HIP1: variants seen among roughly 807,000 people sequenced by gnomAD.
HIP1 encodes huntingtin-interacting protein 1.
In HIP1, 65 loss-of-function variants were observed where a neutral mutation model predicts 147.6. That is an observed-to-expected ratio of 0.44 (90% CI 0.36 to 0.54). HIP1 has a LOEUF of 0.54. HIP1 is among the 20% of genes least tolerant of loss of function. The pLI is 0.00. For missense variants in HIP1, 1,061 were observed against 1,299.6 expected, an observed-to-expected ratio of 0.82 and a Z score of 2.82; for synonymous variants, 479 against 504.0, an observed-to-expected ratio of 0.95 and a Z score of 0.67.
intron 1 of HIP1, among the ~76,000 whole-genome samples, chr7:75,666,672 C>G (rs781888592): frequency 6.6e-6 from 1 of 151,954 alleles, no homozygotes; most frequent in Non-Finnish European, 1.5e-5. Context: ...AAGGGAGATG[C>G]GAGAAGGATG....
At chr7:75,596,109 T>C (rs1375016929) in intron 2 of HIP1, among the ~76,000 whole-genome samples, 1 of 151,940 alleles carries the variant, frequency 6.6e-6, no homozygotes, top group African/African-American at 2.4e-5. Context: ...CATGTGCCTA[T>C]AGTCCCAGCT....
At chr7:75,604,008 C>A (rs957652741) in intron 1 of HIP1, among the ~76,000 whole-genome samples, 1 of 152,196 alleles carries the variant, frequency 6.6e-6, no homozygotes, top group Non-Finnish European at 1.5e-5. Context: ...CTTCCCTGGA[C>A]CTTAGTCCTC....
At chr7:75,557,625 A>G in intron 16 of HIP1, 29 bp downstream of exon 16, 1 of 1,522,130 alleles carries the variant, frequency 6.6e-7, no homozygotes, top group Non-Finnish European at 9.1e-7. Flanking sequence ...CCCCTCCCTC[A>G]TTTCCCGAGT....
chr7:75,604,498 A>C (rs1427674110), intron 1 of HIP1, among the ~76,000 whole-genome samples: 2 of 152,082 alleles, frequency 1.3e-5, no homozygotes, highest in Non-Finnish European at 2.9e-5. Context: ...ACATAGTGAG[A>C]CCTCATCCCT....
rs71098044 is a variant in HIP1, at chr7:75,628,475, C to CTTTT, written c.121-29232_121-29229dup. Among the ~76,000 whole-genome samples the CTTTT allele has an allele frequency of 3.0e-5, 4 of 132,616 alleles. 1 individual carries two copies. Among genetic ancestry groups the CTTTT allele is most frequent in the Admixed American group, 7.7e-5 (1 of 12,918 alleles). The allele number at this position is 132,616 out of a possible 152,430, so 87.0% of individuals were successfully genotyped here. A position where few individuals can be genotyped will look rare whatever the true frequency, so the allele number is the denominator to read the frequency against. On this transcript the variant is annotated intron_variant, in intron 1 of 30. Transcript: ENST00000336926. ...TATTATAATTTTATCTCCTGTACCT[C>CTTTT]TTTTTTTTTTTTTTTTTTTTTGAGA...
chr7:75,544,827 G>A (rs2116746930), intron 26 of HIP1, 27 bp from the exon 27 acceptor site: 1 of 1,419,178 alleles, frequency 7.0e-7, no homozygotes. Context: ...AGAGGGACTA[G>A]GTTACGGGCA....
intron 1 of HIP1, among the ~76,000 whole-genome samples, chr7:75,611,111 G>GT (rs1797418467): frequency 3.3e-5 from 5 of 150,906 alleles, no homozygotes; most frequent in Admixed American, 3.3e-4. Context: ...TAGAGACAGG[G>GT]TTTTACCATG....
intron 1 of HIP1, among the ~76,000 whole-genome samples, chr7:75,649,050 G>C (rs964764521): frequency 3.3e-5 from 5 of 151,666 alleles, no homozygotes; most frequent in African/African-American, 1.2e-4. Context: ...TTAAGACAGA[G>C]TTTTGCTCTT....
chr7:75,665,540 G>T lies in HIP1; in HGVS notation c.121-66293C>A, dbSNP rs771656224. On this transcript the variant is annotated intron_variant, in intron 1 of 30. Coordinates refer to ENST00000336926, the MANE Select transcript of HIP1 (RefSeq NM_005338.7). ...TCATACTAAAGCTTCTCATTTTTCC[G>T]TAGTCATTTTTTTTTTTTTGAGACA... Among the ~76,000 whole-genome samples the T allele has an allele frequency of 4.8e-5, 7 of 146,162 alleles. No homozygotes were observed. In the East Asian group the frequency reaches 1.0e-3, roughly 21 times the overall value.
chr7:75,541,403 G>A (rs1160269682), intron 29 of HIP1, among the ~76,000 whole-genome samples: 3 of 151,864 alleles, frequency 2.0e-5, no homozygotes, highest in East Asian at 3.9e-4. Flanking sequence ...GGTGGTGGGC[G>A]CCTGTAGTTC....
At chr7:75,730,550 G>C (rs1445650162) in intron 1 of HIP1, among the ~76,000 whole-genome samples, 1 of 151,494 alleles carries the variant, frequency 6.6e-6, no homozygotes, top group Non-Finnish European at 1.5e-5. Flanking sequence ...TGTTGGTCAG[G>C]CTGGTCTTGA....
intron 7 of HIP1, among the ~76,000 whole-genome samples, chr7:75,576,810 C>T (rs1300884821): frequency 6.6e-6 from 1 of 152,218 alleles, no homozygotes; most frequent in Admixed American, 6.5e-5. Context: ...TTTTAGCACA[C>T]ATCAGAATCA....
In HIP1 at chr7:75,637,986, C is replaced by A. The variant is rs1422962257; in HGVS notation, c.121-38739G>T. 6.2e-3 allele frequency among the ~76,000 whole-genome samples: 334 copies of A among 54,060 alleles called. 8 individuals carry two copies. The highest frequency in any genetic ancestry group is 0.033 in the African/African-American group (327 of 9,964). 35.5% of individuals were successfully genotyped at this position (54,060 alleles called of 152,430 possible). A position where few individuals can be genotyped will look rare whatever the true frequency, so the allele number is the denominator to read the frequency against. On this transcript the variant is annotated intron_variant, in intron 1 of 30. Coordinates refer to ENST00000336926, the MANE Select transcript of HIP1 (RefSeq NM_005338.7). ...GCAAGGGCAGACCCAGACCCCCCCCCCCCCCCCACACACACACATACACAC... is the reference window on the plus strand; with the variant it reads ...GCAAGGGCAGACCCAGACCCCCCCCACCCCCCCACACACACACATACACAC...
At chr7:75,614,711 C>A (rs369285878) in intron 1 of HIP1, among the ~76,000 whole-genome samples, 1 of 151,442 alleles carries the variant, frequency 6.6e-6, no homozygotes, top group East Asian at 1.9e-4. Flanking sequence ...GTTACAATAG[C>A]GAATTTCATG....
At chr7:75,690,985 A>T (rs1473630477) in intron 1 of HIP1, among the ~76,000 whole-genome samples, 1 of 152,218 alleles carries the variant, frequency 6.6e-6, no homozygotes, top group South Asian at 2.1e-4. Context: ...TCACAGTAGC[A>T]CTATTCACAG....
chr7:75,554,230 T>C lies in HIP1; in HGVS notation c.2051-10A>G, dbSNP rs782202520. On this transcript the variant is annotated splice_polypyrimidine_tract_variant and intron_variant, in intron 20 of 30. Coordinates refer to ENST00000336926, the MANE Select transcript of HIP1 (RefSeq NM_005338.7). The stretch of plus-strand genomic sequence containing the variant: ...AGAAGTCCACTGATGTCTGCCAGGA[T>C]TGGAAAGAGAAGTTTCTCAGGTCTG... The C allele has an allele frequency of 3.7e-6, 6 of 1,609,912 alleles. No individual in the cohort carries two copies. The highest frequency in any genetic ancestry group is 2.2e-5 in the South Asian group (2 of 90,918).
At chr7:75,650,479 G>A (rs1359719708) in intron 1 of HIP1, among the ~76,000 whole-genome samples, 1 of 102,540 alleles carries the variant, frequency 9.8e-6, no homozygotes, top group South Asian at 2.7e-4. Flanking sequence ...TTGAGACAGA[G>A]TCTCCCTCTG....
At chr7:75,725,823 C>CTT (rs1554522293) in intron 1 of HIP1, among the ~76,000 whole-genome samples, 3 of 88,402 alleles carry the variant, frequency 3.4e-5, no homozygotes. Context: ...ATGTGCTATG[C>CTT]ATTTTTTTTT....
chr7:75,717,811 A>C (rs1399224645), intron 1 of HIP1, among the ~76,000 whole-genome samples: 1 of 152,016 alleles, frequency 6.6e-6, no homozygotes, highest in Non-Finnish European at 1.5e-5. Flanking sequence ...TCTCTACTAA[A>C]AATACAAAAA....
Sources: gnomAD v4.1 joint callset for allele counts (sites outside exome capture counted in the v4.1 genomes callset) on GRCh38, gnomAD v4.1.1 for gene constraint, MANE v1.5 for transcripts, NCBI Gene and HGNC (gene_info 2026-07-23, HGNC 2026-07-21) for gene names.